The following PPM1H variants were observed in gnomAD, a reference collection of about 807,000 sequenced individuals.
The protein encoded by PPM1H is protein phosphatase 1H.
Under a neutral mutation model 54.9 loss-of-function variants are expected in PPM1H, and 27 were observed. The ratio of observed to expected loss-of-function variants is 0.49; its 90% CI spans 0.36 to 0.68. PPM1H has a LOEUF of 0.68. PPM1H is among the 30% of genes least tolerant of loss of function. PPM1H has a pLI of 0.00. For synonymous variants in PPM1H, 305 were observed against 270.8 expected, an observed-to-expected ratio of 1.13 and a Z score of -1.24; for missense variants, 596 against 667.8, an observed-to-expected ratio of 0.89 and a Z score of 1.19.
At chr12:62,786,849 A>C (rs1351669486) in intron 4 of PPM1H, among the ~76,000 whole-genome samples, 4 of 152,238 alleles carry the variant, frequency 2.6e-5, no homozygotes, top group African/African-American at 9.6e-5. Flanking sequence ...TTTTTACAAC[A>C]TGTATTACAC....
At chr12:62,812,822 C>T (rs2076843048) in intron 2 of PPM1H, among the ~76,000 whole-genome samples, 1 of 149,976 alleles carries the variant, frequency 6.7e-6, no homozygotes, top group African/African-American at 2.5e-5. Flanking sequence ...ACTCCTTGGG[C>T]CTTTCAACAA....
intron 2 of PPM1H, among the ~76,000 whole-genome samples, chr12:62,817,470 AC>A (rs1184602445): frequency 3.8e-5 from 5 of 131,970 alleles, no homozygotes; most frequent in African/African-American, 1.3e-4. Flanking sequence ...TCAAAAAAAA[AC>A]AAACAAACAA....
At chr12:62,866,556 A>C (rs2120988143) in intron 1 of PPM1H, among the ~76,000 whole-genome samples, 2 of 152,270 alleles carry the variant, frequency 1.3e-5, no homozygotes, top group South Asian at 4.1e-4. Flanking sequence ...ACGGCAAAGA[A>C]CTGAGGTTTC....
At chr12:62,900,778 C>A (rs78464057) in intron 1 of PPM1H, among the ~76,000 whole-genome samples, 49 of 152,230 alleles carry the variant, frequency 3.2e-4, no homozygotes, top group Non-Finnish European at 4.4e-5. Flanking sequence ...CTCAGTGTCA[C>A]AGGGGACATA....
At chr12:62,781,580 T>C (rs1044523015) in intron 4 of PPM1H, among the ~76,000 whole-genome samples, 2 of 152,234 alleles carry the variant, frequency 1.3e-5, no homozygotes, top group African/African-American at 2.4e-5. Context: ...TGGAGTCACC[T>C]GTAGGACTTG....
At chr12:62,825,234 C>T (rs1868277389) in intron 2 of PPM1H, among the ~76,000 whole-genome samples, 1 of 152,130 alleles carries the variant, frequency 6.6e-6, no homozygotes, top group South Asian at 2.1e-4. Flanking sequence ...AGTCAGGAAA[C>T]AACAGATGCT....
At position 62,717,318 on chromosome 12, in the gene PPM1H, A is replaced by C. The variant is rs2120449232; in HGVS notation, c.1073+2853T>G. On this transcript the variant is annotated intron_variant, in intron 6 of 9. Transcript: ENST00000228705. Reference sequence around the variant, plus strand: ...CGTTTGGGGAATTAGGCTGAAAACAAATCAGCAAATCACATCTGACTAAAG... The same window carrying C: ...CGTTTGGGGAATTAGGCTGAAAACACATCAGCAAATCACATCTGACTAAAG... Among the ~76,000 whole-genome samples the C allele has an allele frequency of 2.0e-5, 3 of 152,328 alleles. No individual in the cohort carries two copies. In the East Asian group the frequency reaches 5.8e-4, roughly 29 times the overall value.
intron 9 of PPM1H, among the ~76,000 whole-genome samples, chr12:62,651,395 T>G (rs975489566): frequency 2.6e-5 from 4 of 152,158 alleles, no homozygotes; most frequent in African/African-American, 9.7e-5. Context: ...CCTGCAGTCA[T>G]GGAGAAATGA....
intron 1 of PPM1H, among the ~76,000 whole-genome samples, chr12:62,889,982 A>G (rs970716098): frequency 1.3e-5 from 2 of 152,234 alleles, no homozygotes; most frequent in Non-Finnish European, 2.9e-5. Flanking sequence ...AAGAAAATGG[A>G]GAGACAAACC....
intron 3 of PPM1H, among the ~76,000 whole-genome samples, chr12:62,794,452 TA>T (rs1433958533): frequency 8.5e-5 from 13 of 152,196 alleles, no homozygotes; most frequent in African/African-American, 3.1e-4. Context: ...TCCAATCATT[TA>T]CCCAGTGATG....
intron 8 of PPM1H, among the ~76,000 whole-genome samples, chr12:62,677,321 A>G (rs1393498187): frequency 6.6e-6 from 1 of 152,242 alleles, no homozygotes; most frequent in Non-Finnish European, 1.5e-5. Context: ...TAACACAAAC[A>G]GTGCTGAAAC....
chr12:62,773,018 C>T (rs1367343452), intron 4 of PPM1H, among the ~76,000 whole-genome samples: 9 of 151,944 alleles, frequency 5.9e-5, no homozygotes, highest in East Asian at 1.9e-4. Context: ...CATGGTGGCG[C>T]GCGCTTGTAG....
chr12:62,886,678 G>A (rs754875496), intron 1 of PPM1H, among the ~76,000 whole-genome samples: 1 of 152,180 alleles, frequency 6.6e-6, no homozygotes, highest in Non-Finnish European at 1.5e-5. Context: ...TTCATTATCA[G>A]AAGTGACAAA....
intron 6 of PPM1H, among the ~76,000 whole-genome samples, chr12:62,699,186 T>C (rs183239395): frequency 1.8e-3 from 270 of 152,288 alleles, no homozygotes; most frequent in African/African-American, 6.2e-3. Flanking sequence ...TTCCTTTTTA[T>C]TTTTTATTTT....
intron 8 of PPM1H, among the ~76,000 whole-genome samples, chr12:62,669,969 C>CTTTTTTTTTTTTTTTTTTTTTTTTT (rs1161094944): frequency 2.2e-5 from 1 of 46,424 alleles, no homozygotes; most frequent in African/African-American, 1.1e-4. Context: ...GGATTGATTC[C>CTTTTTTTTTTTTTTTTTTTTTTTTT]TTTTTTTTTT....
chr12:62,839,127 G>T (rs1177857889), intron 1 of PPM1H, among the ~76,000 whole-genome samples: 2 of 152,038 alleles, frequency 1.3e-5, no homozygotes, highest in Non-Finnish European at 2.9e-5. Flanking sequence ...CTCATGACTT[G>T]TGTGGTAGTG....
chr12:62,662,814 C>G (rs1021255319), intron 9 of PPM1H, among the ~76,000 whole-genome samples: 1 of 152,078 alleles, frequency 6.6e-6, no homozygotes, highest in African/African-American at 2.4e-5. Context: ...TCTTAGAAAC[C>G]CAACAGGCCT....
chr12:62,919,625 C>T (rs1234694679), intron 1 of PPM1H, among the ~76,000 whole-genome samples: 1 of 152,056 alleles, frequency 6.6e-6, no homozygotes, highest in African/African-American at 2.4e-5. Context: ...TTTAATACAG[C>T]TTGCTGGACA....
At chr12:62,741,484 T>A (rs1221186191) in intron 4 of PPM1H, among the ~76,000 whole-genome samples, 2 of 152,228 alleles carry the variant, frequency 1.3e-5, no homozygotes, top group African/African-American at 4.8e-5. Flanking sequence ...TTTCCTTTAT[T>A]ATCTGGTTCT....
Sources: allele counts gnomAD v4.1 joint callset (sites outside exome capture counted in the v4.1 genomes callset), GRCh38; gene constraint gnomAD v4.1.1; transcripts MANE v1.5; gene names NCBI Gene and HGNC (gene_info 2026-07-23, HGNC 2026-07-21).